The following NUP153 variants were observed in gnomAD, a reference collection of about 807,000 sequenced individuals.
NUP153 encodes nuclear pore complex protein Nup153.
A neutral mutation model predicts 134.6 loss-of-function variants in NUP153; 27 were observed. The observed-to-expected ratio is 0.20, with a 90% CI of 0.15 to 0.28. The LOEUF (loss-of-function observed/expected upper bound fraction) is 0.28. NUP153 is among the 10% of genes least tolerant of loss of function. The probability of loss-of-function intolerance (pLI) is 1.00; values close to 1 mark genes in which losing one functional copy is unlikely to be tolerated. For synonymous variants in NUP153, 640 were observed against 623.5 expected, an observed-to-expected ratio of 1.03 and a Z score of -0.40; for missense variants, 1,821 against 1,731.3, an observed-to-expected ratio of 1.05 and a Z score of -0.92.
intron 1 of NUP153, among the ~76,000 whole-genome samples, chr6:17,694,400 T>C (rs1412008474): frequency 6.6e-6 from 1 of 152,194 alleles, no homozygotes; most frequent in Non-Finnish European, 1.5e-5. Context: ...GGCTCACGCC[T>C]GTAATCCCAG....
At chr6:17,632,913 T>C in intron 16 of NUP153, 69 bp from the exon 17 acceptor site, 1 of 1,173,492 alleles carries the variant, frequency 8.5e-7, no homozygotes, top group South Asian at 1.7e-5. Context: ...AGTATGTCAG[T>C]ATCTTAATGG....
At chr6:17,664,770 T>C (rs189460377) in intron 9 of NUP153, among the ~76,000 whole-genome samples, 1 of 152,000 alleles carries the variant, frequency 6.6e-6, no homozygotes, top group Non-Finnish European at 1.5e-5. Context: ...ACCAAGGTAG[T>C]GGCCAGGCGC....
rs1175063071 is a variant in NUP153 at position 17,680,436 on chromosome 6, T to A, written c.335-4666A>T. Among the ~76,000 whole-genome samples, 1 of 152,154 alleles carries A rather than the reference T, an allele frequency of 6.6e-6. No individual in the cohort carries two copies. On this transcript the variant is annotated intron_variant, in intron 2 of 21. Coordinates refer to ENST00000262077, the MANE Select transcript of NUP153 (RefSeq NM_005124.4). This position sits in a 1 kb window ranked among gnomAD's most constrained non-coding sequence, Gnocchi z 4.5. Reference sequence around the variant, plus strand: ...GAATGAACCCTTATCTTGAACCATATACAAAAATTAACTCTAAATGGATTA... The same window carrying A: ...GAATGAACCCTTATCTTGAACCATAAACAAAAATTAACTCTAAATGGATTA...
intron 16 of NUP153, 121 bp downstream of exon 16, chr6:17,637,032 G>T: frequency 9.8e-7 from 1 of 1,016,706 alleles, no homozygotes; most frequent in East Asian, 2.5e-5. Context: ...AGATAGTTTA[G>T]AAAAATTAAT....
intron 5 of NUP153, among the ~76,000 whole-genome samples, chr6:17,674,029 CA>C (rs1768068363): frequency 6.6e-6 from 1 of 152,082 alleles, no homozygotes; most frequent in Non-Finnish European, 1.5e-5. Context: ...GATGCAAAAA[CA>C]AATGGATCTC....
In NUP153 at chr6:17,628,826, C is replaced by G. The variant is rs756221599; in HGVS notation, c.3373G>C (p.Glu1125Gln). ...SLVFGKKADN[E>Q]EPKCQPVFSF... ...AACACTGGTTGACACTTTGGCTCTT[C>G]ATTGTCAGCTTTCTTCCCAAAAACT... Residue 1125 changes from glutamate to glutamine, a missense_variant, in exon 18 of 22, where the codon GAA (glutamate) becomes CAA (glutamine). By Grantham distance (29) the Glu-to-Gln change is conservative. Transcript: ENST00000262077. This position sits in a 1 kb window ranked among gnomAD's most constrained non-coding sequence, Gnocchi z 5.4. 6.2e-7 allele frequency: 1 copy of G among 1,614,188 alleles called. No homozygotes were observed. The highest frequency in any genetic ancestry group is 1.7e-5 in the Admixed American group (1 of 60,024).
At chr6:17,631,372 A>G (rs1449239911) in intron 17 of NUP153, among the ~76,000 whole-genome samples, 6 of 152,198 alleles carry the variant, frequency 3.9e-5, no homozygotes, top group East Asian at 1.9e-4. Flanking sequence ...TAATTTGTAT[A>G]AATTTAAGGA....
At chr6:17,662,365 T>C (rs1020549259) in intron 9 of NUP153, among the ~76,000 whole-genome samples, 2 of 152,216 alleles carry the variant, frequency 1.3e-5, no homozygotes, top group Non-Finnish European at 2.9e-5. Flanking sequence ...CCTCTTTTTG[T>C]CCTGTTAATT....
intron 1 of NUP153, among the ~76,000 whole-genome samples, chr6:17,705,611 CAGAGA>C (rs1374380017): frequency 6.6e-6 from 1 of 150,564 alleles, no homozygotes; most frequent in Non-Finnish European, 1.5e-5. Flanking sequence ...AGTCGCGCAG[CAGAGA>C]AAAGACGTAA....
chr6:17,665,052 C>CA (rs10527400), intron 9 of NUP153, among the ~76,000 whole-genome samples, 187 bp downstream of exon 9: 2 of 69,684 alleles, frequency 2.9e-5, no homozygotes, highest in African/African-American at 1.1e-4. Flanking sequence ...GACTCCGTCT[C>CA]AAAAAAAAAA....
intron 17 of NUP153, among the ~76,000 whole-genome samples, chr6:17,630,150 TAAAG>T (rs1765159154): frequency 6.6e-6 from 1 of 152,154 alleles, no homozygotes; most frequent in Admixed American, 6.5e-5. Context: ...TGGATGGGCA[TAAAG>T]AAACTTTGAA....
At chr6:17,631,998 T>C (rs1448705492) in intron 17 of NUP153, among the ~76,000 whole-genome samples, 1 of 151,566 alleles carries the variant, frequency 6.6e-6, no homozygotes, top group Non-Finnish European at 1.5e-5. Flanking sequence ...CTCCAGTTAG[T>C]TTAGGATTAA....
chr6:17,650,098 G>C (rs1247340724), intron 11 of NUP153, among the ~76,000 whole-genome samples: 1 of 152,192 alleles, frequency 6.6e-6, no homozygotes, highest in Non-Finnish European at 1.5e-5. Flanking sequence ...ACGCAGAGTA[G>C]CTTCTACCTG....
chr6:17,703,490 T>C (rs1338535767), intron 1 of NUP153, among the ~76,000 whole-genome samples: 4 of 152,066 alleles, frequency 2.6e-5, no homozygotes, highest in African/African-American at 9.7e-5. Flanking sequence ...CTTAATCAAA[T>C]AACATTAGTA....
rs750421500 is a variant in NUP153 at position 17,649,269 on chromosome 6, G to C, written c.1427C>G (p.Ser476Cys). 6 of 1,613,450 alleles carry C rather than the reference G, an allele frequency of 3.7e-6. No individual in the cohort carries two copies. In the East Asian group the frequency reaches 1.1e-4, roughly 30 times the overall value. Residue 476 changes from serine (S) to cysteine (C), a missense_variant, in exon 12 of 22, where the codon TCT (serine) becomes TGT (cysteine). Ser to Cys is a moderately radical substitution (Grantham distance 112, BLOSUM62 -1). Coordinates refer to ENST00000262077, the MANE Select transcript of NUP153 (RefSeq NM_005124.4). ...EMEVPVLPKI[S>C]LPITSSSLPT... ...CAGTGAAGAACTGGTGATCGGTAGA[G>C]AGATTTTCGGTAATACTGGAACTTC...
chr6:17,626,313 T>C, intron 18 of NUP153, 149 bp from the exon 19 acceptor site: 1 of 620,618 alleles, frequency 1.6e-6, no homozygotes, highest in Non-Finnish European at 2.9e-6. Flanking sequence ...CAAATGGACA[T>C]CTGTTTATAT....
At chr6:17,685,227 G>A (rs1452752677) in intron 2 of NUP153, among the ~76,000 whole-genome samples, 1 of 151,248 alleles carries the variant, frequency 6.6e-6, no homozygotes, top group Non-Finnish European at 1.5e-5. Context: ...TACTTCAACA[G>A]CAGATATATA....
At chr6:17,620,743 C>T (rs1404247879) in intron 20 of NUP153, among the ~76,000 whole-genome samples, 1 of 151,878 alleles carries the variant, frequency 6.6e-6, no homozygotes, top group Non-Finnish European at 1.5e-5. Flanking sequence ...TGTGTTTGGC[C>T]GAAGACAATA....
At position 17,628,522 on chromosome 6, in the gene NUP153, A is replaced by C; in HGVS notation, c.3544+133T>G. ...ACTGAAAATCCTAGGTTCCTTCCCA[A>C]AGAGTTCTGTATTTCTCAACTATGT... On this transcript the variant is annotated intron_variant, in intron 18 of 21. Transcript: ENST00000262077. The surrounding 1 kb of genome is among the most constrained non-coding windows in gnomAD (Gnocchi z 5.4). 1 of 429,186 alleles carries C rather than the reference A, an allele frequency of 2.3e-6. No homozygotes were observed. The highest frequency in any genetic ancestry group is 3.7e-6 in the Non-Finnish European group (1 of 268,272). The allele number at this position is 429,186 out of a possible 1,614,324, so 26.6% of individuals were successfully genotyped here. A position where few individuals can be genotyped will look rare whatever the true frequency, so the allele number is the denominator to read the frequency against.
Sources: allele counts gnomAD v4.1 joint callset (sites outside exome capture counted in the v4.1 genomes callset), GRCh38; gene constraint gnomAD v4.1.1; non-coding constraint Gnocchi (gnomAD v3.1); transcripts MANE v1.5; gene names NCBI Gene and HGNC (gene_info 2026-07-23, HGNC 2026-07-21).